The following PRKN variants were observed in gnomAD, a reference collection of about 807,000 sequenced individuals.
PRKN encodes the protein E3 ubiquitin-protein ligase parkin.
Under a neutral mutation model 59.5 loss-of-function variants are expected in PRKN, and 56 were observed. The ratio of observed to expected loss-of-function variants is 0.94; its 90% CI spans 0.76 to 1.18. The LOEUF is 1.18. Among genes scored for constraint, PRKN ranks in the 50% most tolerant of loss-of-function variants. The pLI is 0.00. For missense variants in PRKN, 657 were observed against 596.4 expected, an observed-to-expected ratio of 1.10 and a Z score of -1.06; for synonymous variants, 250 against 222.1, an observed-to-expected ratio of 1.13 and a Z score of -1.12.
At chr6:161,982,077 T>C (rs1342825458) in intron 5 of PRKN, among the ~76,000 whole-genome samples, 2 of 152,214 alleles carry the variant, frequency 1.3e-5, no homozygotes, top group Non-Finnish European at 2.9e-5. Flanking sequence ...CCGCCCCTTC[T>C]CTGCCTGATT....
At chr6:162,145,716 C>G (rs1463168308) in intron 4 of PRKN, among the ~76,000 whole-genome samples, 1 of 152,136 alleles carries the variant, frequency 6.6e-6, no homozygotes, top group East Asian at 1.9e-4. Context: ...GTGGACATCT[C>G]ATGTAAATAC....
At position 162,424,626 on chromosome 6, in the gene PRKN, C is replaced by T. The variant is rs530386685; in HGVS notation, c.171+18684G>A. On this transcript the variant is annotated intron_variant, in intron 2 of 11. Transcript: ENST00000366898. Reference sequence around the variant, plus strand: ...TCATGGGGGCCTGTAATCCCAGTTACTCAGGAGGCTGAGGCAGAGAATTGC... The same window carrying T: ...TCATGGGGGCCTGTAATCCCAGTTATTCAGGAGGCTGAGGCAGAGAATTGC... Among the ~76,000 whole-genome samples, 3 of 151,762 alleles carry T rather than the reference C, an allele frequency of 2.0e-5. No individual in the cohort carries two copies. The East Asian group carries it at 5.8e-4, about 29-fold the overall frequency.
chr6:161,908,718 C>A (rs1778244424), intron 6 of PRKN, among the ~76,000 whole-genome samples: 1 of 150,854 alleles, frequency 6.6e-6, no homozygotes, highest in African/African-American at 2.4e-5. Context: ...TTAGCAATAA[C>A]AAAATTAAAG....
intron 6 of PRKN, among the ~76,000 whole-genome samples, chr6:161,907,961 C>T (rs1022389723): frequency 7.9e-5 from 12 of 151,976 alleles, no homozygotes; most frequent in African/African-American, 2.2e-4. Context: ...GCCTGTAATC[C>T]CAGCTACTCA....
chr6:162,073,799 C>G (rs1778693114), intron 4 of PRKN, among the ~76,000 whole-genome samples: 1 of 152,174 alleles, frequency 6.6e-6, no homozygotes, highest in Non-Finnish European at 1.5e-5. Context: ...ACTTCCAATA[C>G]AAAAACGTGT....
At chr6:162,453,965 T>C (rs1224188338) in intron 1 of PRKN, among the ~76,000 whole-genome samples, 4 of 152,042 alleles carry the variant, frequency 2.6e-5, no homozygotes, top group African/African-American at 4.8e-5. Context: ...GGGAAGGAGA[T>C]GACAAAGAAA....
At chr6:162,417,932 C>G (rs1006009185) in intron 2 of PRKN, among the ~76,000 whole-genome samples, 11 of 152,156 alleles carry the variant, frequency 7.2e-5, no homozygotes, top group African/African-American at 2.7e-4. Flanking sequence ...TATAGACAAG[C>G]ATTTGGAAAA....
At chr6:161,567,108 G>T (rs1780682289) in intron 8 of PRKN, among the ~76,000 whole-genome samples, 1 of 140,430 alleles carries the variant, frequency 7.1e-6, no homozygotes, top group Non-Finnish European at 1.5e-5. Flanking sequence ...GCACAATCTT[G>T]GCTCACTGCA....
chr6:162,724,894 A>G (rs1779067461), intron 1 of PRKN, among the ~76,000 whole-genome samples: 1 of 152,240 alleles, frequency 6.6e-6, no homozygotes, highest in Non-Finnish European at 1.5e-5. Flanking sequence ...TGGGCACCAC[A>G]GAGAAGGTTA....
At chr6:162,316,915 A>G (rs1246765938) in intron 2 of PRKN, among the ~76,000 whole-genome samples, 1 of 152,166 alleles carries the variant, frequency 6.6e-6, no homozygotes, top group Non-Finnish European at 1.5e-5. Flanking sequence ...ATAGAAATTC[A>G]AAGAATCCAT....
Position 161,946,414 on chromosome 6 carries a change from A to ACACACACACACACTCTCT in PRKN, c.734+26887_734+26888insAGAGAGTGTGTGTGTGTG, listed in dbSNP as rs1247187053. Among the ~76,000 whole-genome samples the ACACACACACACACTCTCT allele has an allele frequency of 6.2e-4, 71 of 114,438 alleles. 2 individuals are homozygous for ACACACACACACACTCTCT. Among genetic ancestry groups the ACACACACACACACTCTCT allele is most frequent in the East Asian group, 3.5e-3 (13 of 3,720 alleles). 75.1% of individuals were successfully genotyped at this position (114,438 alleles called of 152,430 possible). A position where few individuals can be genotyped will look rare whatever the true frequency, so the allele number is the denominator to read the frequency against. ...CACACACACACACACACACACACAC[A>ACACACACACACACTCTCT]CTCTCTCTCTCTCTCTCTCTCTCTC... On this transcript the variant is annotated intron_variant, in intron 6 of 11. Transcript: ENST00000366898.
intron 2 of PRKN, among the ~76,000 whole-genome samples, chr6:162,415,078 ACTTC>A (rs1382313826): frequency 6.6e-6 from 1 of 152,160 alleles, no homozygotes; most frequent in Non-Finnish European, 1.5e-5. Flanking sequence ...ATAGGATTCT[ACTTC>A]CTTCACTTCT....
Position 161,397,872 on chromosome 6 carries a change from C to T in PRKN, c.1084-10995G>A, listed in dbSNP as rs576002403. On this transcript the variant is annotated intron_variant, in intron 9 of 11. Coordinates refer to ENST00000366898, the MANE Select transcript of PRKN (RefSeq NM_004562.3). This position sits in a 1 kb window ranked among gnomAD's most constrained non-coding sequence, Gnocchi z 4.2. ...GACCTCGGAGGCCATAATTTTGGTC[C>T]AATGGTTCAATGGTCAGCTAGATTC... Among the ~76,000 whole-genome samples the T allele has an allele frequency of 6.6e-6, 1 of 152,076 alleles. No homozygotes were observed. The highest frequency in any genetic ancestry group is 2.1e-4 in the South Asian group (1 of 4,810).
At chr6:162,604,901 C>T (rs1447395595) in intron 1 of PRKN, among the ~76,000 whole-genome samples, 1 of 152,120 alleles carries the variant, frequency 6.6e-6, no homozygotes, top group Non-Finnish European at 1.5e-5. Context: ...TCAGTTCACC[C>T]AGGCAGCACT....
chr6:162,547,555 G>C (rs997729085), intron 1 of PRKN, among the ~76,000 whole-genome samples: 1 of 138,480 alleles, frequency 7.2e-6, no homozygotes, highest in Non-Finnish European at 1.7e-5. Context: ...ATTAAGCAGC[G>C]CTCCCAATGT....
chr6:161,676,037 C>T (rs1438839051), intron 7 of PRKN, among the ~76,000 whole-genome samples: 1 of 152,248 alleles, frequency 6.6e-6, no homozygotes, highest in African/African-American at 2.4e-5. Flanking sequence ...GAGAGGCACT[C>T]TGAGTCCTAA....
At chr6:162,226,905 C>T (rs539735806) in intron 3 of PRKN, among the ~76,000 whole-genome samples, 3 of 152,322 alleles carry the variant, frequency 2.0e-5, no homozygotes, top group East Asian at 3.9e-4. Flanking sequence ...CCAGTCCCCT[C>T]CTTGGTATAT....
At chr6:162,328,737 C>A (rs1021110029) in intron 2 of PRKN, among the ~76,000 whole-genome samples, 1 of 152,126 alleles carries the variant, frequency 6.6e-6, no homozygotes, top group Non-Finnish European at 1.5e-5. Flanking sequence ...TTAAAACAGG[C>A]TCCAGGGATG....
intron 7 of PRKN, among the ~76,000 whole-genome samples, chr6:161,736,828 A>G (rs4708928): frequency 0.27 from 40,657 of 151,892 alleles, 5,485 homozygotes; most frequent in Admixed American, 0.33. Context: ...CAGAAGGGTA[A>G]GCCCAAAGTG....
Sources: gnomAD v4.1 joint callset for allele counts (sites outside exome capture counted in the v4.1 genomes callset) on GRCh38, gnomAD v4.1.1 for gene constraint, Gnocchi (gnomAD v3.1) non-coding constraint, MANE v1.5 for transcripts, NCBI Gene and HGNC (gene_info 2026-07-23, HGNC 2026-07-21) for gene names.